The following ZMYM1 variants were observed in gnomAD, a reference collection of about 807,000 sequenced individuals.
ZMYM1 encodes the protein zinc finger MYM-type protein 1.
ZMYM1 carries 39 observed loss-of-function variants against 60.0 expected under a neutral mutation model. The ratio of observed to expected loss-of-function variants is 0.65; its 90% CI spans 0.50 to 0.85. The LOEUF (loss-of-function observed/expected upper bound fraction) is 0.85, where lower values mean the gene tolerates loss of function less well. Among genes scored for constraint, ZMYM1 ranks in the 40% least tolerant of loss-of-function variants. The pLI is 0.00. For missense variants in ZMYM1, 1,171 were observed against 1,309.5 expected (o/e 0.89, Z 1.63); for synonymous variants, 413 against 454.0 (o/e 0.91, Z 1.15).
intron 8 of ZMYM1, 82 bp from the exon 9 acceptor site, chr1:35,112,005 A>G (rs1385704992): frequency 4.5e-6 from 7 of 1,550,124 alleles, no homozygotes; most frequent in Non-Finnish European, 6.1e-6. Context: ...TGTTTCTTAT[A>G]TGAAATAAGC....
rs1347502435 is a variant in ZMYM1, at chr1:35,111,879, G to C, written c.1069G>C (p.Ala357Pro). 3 of 1,601,494 alleles carry C rather than the reference G, an allele frequency of 1.9e-6. No individual in the cohort carries two copies. In the African/African-American group the frequency reaches 4.0e-5, roughly 21 times the overall value. The change falls in exon 8 of 10, where the codon GCC becomes CCC. Residue 357 changes from alanine (A) to proline (P), a missense_variant. By Grantham distance (27) the Ala-to-Pro change is conservative (BLOSUM62 -1). Coordinates refer to ENST00000359858, the MANE Select transcript of ZMYM1 (RefSeq NM_024772.5). ...NIVSLADTDV[A>P]LPIMNTDVLQ... Reference sequence around the variant, plus strand: ...AGTGTCATTGGCAGACACCGATGTTGCCTTGCCCATCATGAACACTGATGT... The same window carrying C: ...AGTGTCATTGGCAGACACCGATGTTCCCTTGCCCATCATGAACACTGATGT...
chr1:35,113,025 A>G lies in ZMYM1; in HGVS notation c.1195A>G (p.Ser399Gly). 1 of 1,611,072 alleles carries G rather than the reference A, an allele frequency of 6.2e-7. No individual in the cohort carries two copies. Among genetic ancestry groups the G allele is most frequent in the Non-Finnish European group, 8.5e-7 (1 of 1,178,994 alleles). ...ACCCAGTAATGCTGTTGCTAGTAGT[A>G]GTACGGAACAGCCAAGCGTTTCACC... is the stretch of plus-strand genomic sequence containing the variant. ...SEPSNAVASS[S>G]TEQPSVSPSS... Residue 399 changes from serine to glycine, a missense_variant, in exon 10 of 10, where the codon AGT becomes GGT. By Grantham distance (56) the Ser-to-Gly change is moderately conservative. Coordinates refer to ENST00000359858, the MANE Select transcript of ZMYM1 (RefSeq NM_024772.5).
At chr1:35,080,365 G>C (rs2148486089) in intron 1 of ZMYM1, among the ~76,000 whole-genome samples, 1 of 142,096 alleles carries the variant, frequency 7.0e-6, no homozygotes, top group Non-Finnish European at 1.5e-5. Context: ...GGCCCAGGCT[G>C]AGTGCAGTGA....
intron 1 of ZMYM1, among the ~76,000 whole-genome samples, 171 bp from the exon 2 acceptor site, chr1:35,093,743 T>C (rs929293434): frequency 3.3e-5 from 5 of 152,136 alleles, no homozygotes; most frequent in Non-Finnish European, 7.3e-5. Context: ...CAGAGAAGTA[T>C]AGAGCAAAAC....
downstream of ZMYM1, among the ~76,000 whole-genome samples, chr1:35,118,069 C>T (rs1638525882): frequency 6.6e-6 from 1 of 151,880 alleles, no homozygotes; most frequent in Non-Finnish European, 1.5e-5. Context: ...GAAACCCCAT[C>T]TCTACTAAAA....
At chr1:35,094,341 A>T (rs1312181705) in intron 2 of ZMYM1, among the ~76,000 whole-genome samples, 2 of 152,222 alleles carry the variant, frequency 1.3e-5, no homozygotes, top group Non-Finnish European at 2.9e-5. Flanking sequence ...GGGCCTAGCT[A>T]AGGTTAACAC....
chr1:35,092,546 GTCTTTTCTTT>G lies in ZMYM1; in HGVS notation c.-74-1355_-74-1346del, dbSNP rs573933963. Reference sequence around the variant, plus strand: ...ATGAACCACTGTGCCCGGCCAACAGGTCTTTTCTTTTCTTTTCTTTTCCTTTTCTTTCTTT... The same window carrying G: ...ATGAACCACTGTGCCCGGCCAACAGGTCTTTTCTTTTCCTTTTCTTTCTTT... On this transcript the variant is annotated intron_variant, in intron 1 of 9. Coordinates refer to ENST00000359858, the MANE Select transcript of ZMYM1 (RefSeq NM_024772.5). Among the ~76,000 whole-genome samples the G allele has an allele frequency of 1.7e-3, 263 of 151,230 alleles. 2 individuals are homozygous for G. The Middle Eastern group carries it at 0.024, about 14-fold the overall frequency.
intron 1 of ZMYM1, among the ~76,000 whole-genome samples, chr1:35,084,477 T>C (rs1642554600): frequency 6.6e-6 from 1 of 152,230 alleles, no homozygotes; most frequent in African/African-American, 2.4e-5. Context: ...CAGATGACAT[T>C]GATCCTGTTG....
intron 1 of ZMYM1, among the ~76,000 whole-genome samples, chr1:35,091,874 C>T (rs1219272369): frequency 1.7e-5 from 2 of 114,926 alleles, no homozygotes; most frequent in African/African-American, 6.9e-5. Context: ...AGTGACAGAG[C>T]GAGATCTTGT....
chr1:35,091,731 C>CAAAAA (rs755636348), intron 1 of ZMYM1, among the ~76,000 whole-genome samples: 6 of 108,040 alleles, frequency 5.6e-5, no homozygotes, highest in Non-Finnish European at 1.2e-4. Flanking sequence ...ACCTTCTCTA[C>CAAAAA]AAAAAAAAAA....
intron 6 of ZMYM1, among the ~76,000 whole-genome samples, chr1:35,109,597 T>C (rs1644016592): frequency 6.6e-6 from 1 of 152,188 alleles, no homozygotes. Flanking sequence ...TAAGCACTCC[T>C]TCCTGGCTCC....
Position 35,085,990 on chromosome 1 carries a change from A to G in ZMYM1, c.-75+6548A>G, listed in dbSNP as rs540572328. 2.1e-3 allele frequency among the ~76,000 whole-genome samples: 316 copies of G among 152,328 alleles called. 2 individuals carry two copies. The highest frequency in any genetic ancestry group is 7.1e-3 in the African/African-American group (295 of 41,596). ...ACAAATACACCTTTGTAATGACCAA[A>G]TAGAAAAACACGTGTAAAGCTGTGG... On this transcript the variant is annotated intron_variant, in intron 1 of 9. Transcript: ENST00000359858.
At chr1:35,097,765 C>T (rs950291802) in intron 4 of ZMYM1, 199 bp downstream of exon 4, 15 of 584,384 alleles carry the variant, frequency 2.6e-5, no homozygotes, top group Admixed American at 1.6e-4. Context: ...CTGCCTCAGC[C>T]TCCCAAGTAG....
chr1:35,091,507 C>T (rs1355220770), intron 1 of ZMYM1, among the ~76,000 whole-genome samples: 4 of 152,152 alleles, frequency 2.6e-5, no homozygotes, highest in Admixed American at 1.3e-4. Flanking sequence ...GCCACTGCCC[C>T]GGCCAAGTGG....
Position 35,097,456 on chromosome 1 carries a change from T to C in ZMYM1, c.309T>C (p.Tyr103=). 6.2e-7 allele frequency: 1 copy of C among 1,614,182 alleles called. No individual in the cohort carries two copies. Among genetic ancestry groups the C allele is most frequent in the South Asian group, 1.1e-5 (1 of 91,090 alleles). The change falls in exon 4 of 10, where the codon TAT becomes TAC. Residue 103 remains tyrosine (Y), a synonymous_variant. Coordinates refer to ENST00000359858, the MANE Select transcript of ZMYM1 (RefSeq NM_024772.5). ...KKILQKGQTA[Y]QRKGSAQLFC... The stretch of plus-strand genomic sequence containing the variant: ...TTCTCCAGAAGGGGCAAACTGCTTA[T>C]CAGAGGAAAGGATCTGCTCAACTTT...
intron 1 of ZMYM1, among the ~76,000 whole-genome samples, chr1:35,081,540 T>A (rs1296168083): frequency 6.6e-6 from 1 of 152,216 alleles, no homozygotes; most frequent in Non-Finnish European, 1.5e-5. Context: ...GAGCATTTAT[T>A]TAGATCTTCC....
downstream of ZMYM1, among the ~76,000 whole-genome samples, chr1:35,118,253 A>G (rs1034193821): frequency 9.2e-5 from 14 of 152,124 alleles, no homozygotes; most frequent in South Asian, 6.2e-4. Flanking sequence ...AAAAAAAAAA[A>G]AAAAAAGAAA....
At chr1:35,116,218 C>T (rs1346738111), downstream of ZMYM1, among the ~76,000 whole-genome samples, 1 of 152,110 alleles carries the variant, frequency 6.6e-6, no homozygotes, top group Non-Finnish European at 1.5e-5. Flanking sequence ...GTCTAGGCAA[C>T]AGAGTGAGAC....
At chr1:35,097,292 T>C (rs201887279) in intron 3 of ZMYM1, 25 bp from the exon 4 acceptor site, 1 of 1,548,692 alleles carries the variant, frequency 6.5e-7, no homozygotes, top group African/African-American at 1.4e-5. Context: ...AACAATTTTT[T>C]TTTCTCCCTC....
Sources: gnomAD v4.1 joint callset for allele counts (sites outside exome capture counted in the v4.1 genomes callset) on GRCh38, gnomAD v4.1.1 for gene constraint, MANE v1.5 for transcripts, NCBI Gene and HGNC (gene_info 2026-07-23, HGNC 2026-07-21) for gene names.